Variants in THSD7B observed in about 807,000 individuals in gnomAD.
The protein encoded by THSD7B is thrombospondin type-1 domain-containing protein 7B.
In THSD7B, 138 loss-of-function variants were observed where a neutral mutation model predicts 213.6. The ratio of observed to expected loss-of-function variants is 0.65; its 90% CI spans 0.56 to 0.74. THSD7B has a LOEUF of 0.74. THSD7B is among the 30% of genes least tolerant of loss of function. The pLI is 0.00. For missense variants in THSD7B, 1,931 were observed against 1,991.5 expected (o/e 0.97, Z 0.58); for synonymous variants, 742 against 687.0 (o/e 1.08, Z -1.25).
chr2:137,408,246 C>T lies in THSD7B; in HGVS notation c.2695+2439C>T, dbSNP rs186329227. 9.2e-5 allele frequency among the ~76,000 whole-genome samples: 14 copies of T among 152,278 alleles called. No homozygotes were observed. In the East Asian group the frequency reaches 2.7e-3, roughly 29 times the overall value. On this transcript the variant is annotated intron_variant, in intron 13 of 27. Transcript: ENST00000409968. ...GTACAGAATATTTGTTTGCTAATAA[C>T]TTCTGGTCACCTTGTAGATGAACAT...
At chr2:136,811,130 T>C (rs1348047376) in intron 1 of THSD7B, among the ~76,000 whole-genome samples, 1 of 152,196 alleles carries the variant, frequency 6.6e-6, no homozygotes, top group African/African-American at 2.4e-5. Flanking sequence ...TACACAGGAA[T>C]GGGCCCTCTA....
At chr2:137,451,924 A>G in intron 15 of THSD7B, 1 of 271,172 alleles carries the variant, frequency 3.7e-6, no homozygotes, top group Non-Finnish European at 5.7e-6. Context: ...TTCTATTACT[A>G]ATTCTAGTAT....
At chr2:136,875,879 T>C (rs1386468763) in intron 1 of THSD7B, among the ~76,000 whole-genome samples, 1 of 152,260 alleles carries the variant, frequency 6.6e-6, no homozygotes, top group Non-Finnish European at 1.5e-5. Flanking sequence ...TCTTTCCATA[T>C]GACTCCTTGG....
intron 12 of THSD7B, among the ~76,000 whole-genome samples, chr2:137,305,947 G>A (rs1683731251): frequency 1.3e-5 from 2 of 152,046 alleles, no homozygotes; most frequent in Non-Finnish European, 2.9e-5. Flanking sequence ...ATAACACAAT[G>A]GTAAGTATCT....
In THSD7B at chr2:137,100,337, T is replaced by G. The variant is rs1688125637; in HGVS notation, c.1199+5216T>G. On this transcript the variant is annotated intron_variant, in intron 4 of 27. Transcript: ENST00000409968. ...AACTCATAAAACAGAGAACTTCCAGTCTGTGTTCACTTAGGTTATTTGTCT... is the reference window on the plus strand; with the variant it reads ...AACTCATAAAACAGAGAACTTCCAGGCTGTGTTCACTTAGGTTATTTGTCT... Among the ~76,000 whole-genome samples, 2 of 152,110 alleles carry G rather than the reference T, an allele frequency of 1.3e-5. 1 individual carries two copies. Among genetic ancestry groups the G allele is most frequent in the South Asian group, 4.1e-4 (2 of 4,832 alleles).
chr2:137,126,328 C>A (rs1594577), intron 5 of THSD7B, among the ~76,000 whole-genome samples: 64,662 of 152,054 alleles, frequency 0.43, 15,544 homozygotes, highest in Non-Finnish European at 0.53. Flanking sequence ...TTAGCTAGAT[C>A]TTCCTGATAA....
chr2:136,777,811 T>G (rs182185429), intron 1 of THSD7B, among the ~76,000 whole-genome samples: 1 of 152,242 alleles, frequency 6.6e-6, no homozygotes. Flanking sequence ...AAAGGGAAAA[T>G]TAATTAGAAT....
chr2:137,060,281 T>A (rs1446986205), intron 3 of THSD7B, among the ~76,000 whole-genome samples: 2 of 152,088 alleles, frequency 1.3e-5, no homozygotes, highest in Admixed American at 1.3e-4. Context: ...CAGATATGTG[T>A]TTTGCAAATA....
At chr2:137,475,410 A>G (rs570049971) in intron 15 of THSD7B, among the ~76,000 whole-genome samples, 3 of 152,072 alleles carry the variant, frequency 2.0e-5, no homozygotes, top group Non-Finnish European at 4.4e-5. Flanking sequence ...CTACTCTCTT[A>G]TTAAACATTG....
At chr2:136,866,294 T>G (rs1339073138) in intron 1 of THSD7B, among the ~76,000 whole-genome samples, 2 of 152,218 alleles carry the variant, frequency 1.3e-5, no homozygotes, top group African/African-American at 4.8e-5. Flanking sequence ...TTCTCAGGCT[T>G]TATTCCCGCA....
intron 12 of THSD7B, among the ~76,000 whole-genome samples, chr2:137,351,731 C>T (rs1218335153): frequency 1.3e-5 from 2 of 151,798 alleles, no homozygotes; most frequent in Admixed American, 6.6e-5. Flanking sequence ...GCTAAGACAA[C>T]CAGGGGATGA....
intron 2 of THSD7B, among the ~76,000 whole-genome samples, chr2:137,009,573 T>C (rs1163025210): frequency 1.3e-5 from 2 of 152,044 alleles, no homozygotes; most frequent in East Asian, 1.9e-4. Context: ...GGAGGCCTCA[T>C]AATCATGATG....
chr2:136,890,416 TTC>T (rs1558840082), intron 2 of THSD7B, among the ~76,000 whole-genome samples: 1,349 of 3,280 alleles, frequency 0.41, 420 homozygotes, highest in Middle Eastern at 0.75. Context: ...CCTCTTCTTC[TTC>T]TTCTTCTTCT....
chr2:137,143,829 C>T (rs1679638787), intron 5 of THSD7B, among the ~76,000 whole-genome samples: 1 of 152,066 alleles, frequency 6.6e-6, no homozygotes, highest in Non-Finnish European at 1.5e-5. Flanking sequence ...ATATATAGTT[C>T]TTCCATATAC....
At chr2:136,834,999 C>T (rs1021126037) in intron 1 of THSD7B, among the ~76,000 whole-genome samples, 7 of 152,072 alleles carry the variant, frequency 4.6e-5, no homozygotes, top group African/African-American at 1.2e-4. Flanking sequence ...TTTACAAAGA[C>T]GAATTGGCTT....
chr2:137,587,532 G>C (rs1330937781), intron 17 of THSD7B, among the ~76,000 whole-genome samples: 1 of 152,162 alleles, frequency 6.6e-6, no homozygotes, highest in Non-Finnish European at 1.5e-5. Flanking sequence ...TGTCCTTTCT[G>C]TTTGTTAGTT....
rs939069679 is a variant in THSD7B, at chr2:137,469,154, G to A, written c.3138+18131G>A. On this transcript the variant is annotated intron_variant, in intron 15 of 27. Coordinates refer to ENST00000409968, the MANE Select transcript of THSD7B (RefSeq NM_001316349.2). The stretch of plus-strand genomic sequence containing the variant: ...TGGCTCCTCACCCTTGGGATTACAG[G>A]GATTAATATTTAAGTCTCCCATGTC... 4.4e-4 allele frequency among the ~76,000 whole-genome samples: 67 copies of A among 152,110 alleles called. 1 individual carries two copies. The highest frequency in any genetic ancestry group is 3.4e-3 in the Middle Eastern group (1 of 294).
intron 1 of THSD7B, among the ~76,000 whole-genome samples, chr2:136,802,132 A>G (rs1682194139): frequency 6.6e-6 from 1 of 152,060 alleles, no homozygotes; most frequent in Non-Finnish European, 1.5e-5. Context: ...GGGACAGAAT[A>G]AGAAATAGCT....
Position 137,600,751 on chromosome 2 carries a change from A to G in THSD7B, c.3424-15424A>G, listed in dbSNP as rs368894399. ...ACCATTTCAAAAACAAAACAAAACAAAAAAACAAAATTTAACTACAAGACA... is the reference window on the plus strand; with the variant it reads ...ACCATTTCAAAAACAAAACAAAACAGAAAAACAAAATTTAACTACAAGACA... On this transcript the variant is annotated intron_variant, in intron 17 of 27. Coordinates refer to ENST00000409968, the MANE Select transcript of THSD7B (RefSeq NM_001316349.2). 3.9e-5 allele frequency among the ~76,000 whole-genome samples: 6 copies of G among 152,254 alleles called. No individual in the cohort carries two copies. The South Asian group carries it at 1.2e-3, about 32-fold the overall frequency.
Sources: gnomAD v4.1 joint callset for allele counts (sites outside exome capture counted in the v4.1 genomes callset) on GRCh38, gnomAD v4.1.1 for gene constraint, MANE v1.5 for transcripts, NCBI Gene and HGNC (gene_info 2026-07-23, HGNC 2026-07-21) for gene names.